MDGA2: variants seen among roughly 807,000 people sequenced by gnomAD.
MDGA2 encodes MAM domain containing glycosylphosphatidylinositol anchor 2, also known as MAM domain-containing glycosylphosphatidylinositol anchor protein 2.
In MDGA2, 40 loss-of-function variants were observed where a neutral mutation model predicts 117.8. The ratio of observed to expected loss-of-function variants is 0.34; its 90% CI spans 0.26 to 0.44. The LOEUF (loss-of-function observed/expected upper bound fraction) is 0.44. MDGA2 is among the 20% of genes least tolerant of loss of function. MDGA2 has a pLI of 1.00. For synonymous variants in MDGA2, 452 were observed against 439.0 expected (o/e 1.03, Z -0.37); for missense variants, 1,123 against 1,250.6 (o/e 0.90, Z 1.54).
chr14:47,615,675 T>G (rs1340553966), intron 1 of MDGA2, among the ~76,000 whole-genome samples: 1 of 152,218 alleles, frequency 6.6e-6, no homozygotes, highest in Admixed American at 6.5e-5. Context: ...GATATTCTAA[T>G]AGGCAATCCT....
intron 10 of MDGA2, among the ~76,000 whole-genome samples, chr14:46,891,493 G>A (rs1882882637): frequency 6.6e-6 from 1 of 151,026 alleles, no homozygotes; most frequent in Non-Finnish European, 1.5e-5. Flanking sequence ...AACTTTCAGA[G>A]CACATTTATC....
intron 2 of MDGA2, among the ~76,000 whole-genome samples, chr14:47,286,871 G>T (rs1444110582): frequency 7.3e-6 from 1 of 136,654 alleles, no homozygotes. Context: ...GATAGAAAAT[G>T]AGAATGCAAC....
At chr14:47,632,681 CCTT>C (rs981910679) in intron 1 of MDGA2, among the ~76,000 whole-genome samples, 6 of 152,102 alleles carry the variant, frequency 3.9e-5, no homozygotes, top group Admixed American at 3.3e-4. Context: ...TAAATAATGA[CCTT>C]CTTAATTTTC....
intron 1 of MDGA2, among the ~76,000 whole-genome samples, chr14:47,544,632 G>C (rs1895422557): frequency 6.6e-6 from 1 of 152,196 alleles, no homozygotes; most frequent in Non-Finnish European, 1.5e-5. Flanking sequence ...GATGGGTCCA[G>C]AGGAGTACAC....
intron 7 of MDGA2, among the ~76,000 whole-genome samples, chr14:47,056,677 C>T (rs909961982): frequency 6.6e-6 from 1 of 152,086 alleles, no homozygotes; most frequent in Non-Finnish European, 1.5e-5. Context: ...GAAATAAGTG[C>T]AAGCTAATGA....
intron 1 of MDGA2, among the ~76,000 whole-genome samples, chr14:47,614,095 C>CTTTTTTTTTTTTTT (rs768294746): frequency 3.9e-5 from 4 of 101,704 alleles, no homozygotes; most frequent in Non-Finnish European, 6.0e-5. Flanking sequence ...TTTCTTTTTT[C>CTTTTTTTTTTTTTT]TTTTTTTTTT....
At chr14:47,144,833 A>G (rs1162913695) in intron 3 of MDGA2, among the ~76,000 whole-genome samples, 1 of 71,866 alleles carries the variant, frequency 1.4e-5, no homozygotes, top group East Asian at 5.0e-4. Flanking sequence ...TTTTTTTTGT[A>G]CAGACAGGGA....
At chr14:47,471,840 G>T (rs1425986539) in intron 1 of MDGA2, among the ~76,000 whole-genome samples, 1 of 151,994 alleles carries the variant, frequency 6.6e-6, no homozygotes, top group Non-Finnish European at 1.5e-5. Flanking sequence ...TAACTAAATT[G>T]GAAGTTAATA....
intron 7 of MDGA2, among the ~76,000 whole-genome samples, chr14:47,049,651 G>A (rs572213735): frequency 6.6e-6 from 1 of 152,052 alleles, no homozygotes; most frequent in Non-Finnish European, 1.5e-5. Context: ...GTCACACAGT[G>A]AGCACAGTTC....
intron 1 of MDGA2, among the ~76,000 whole-genome samples, chr14:47,653,251 T>A (rs1033050725): frequency 6.6e-6 from 1 of 152,116 alleles, no homozygotes; most frequent in Non-Finnish European, 1.5e-5. Context: ...TCCAGGAGAA[T>A]AGATTTCATT....
chr14:47,639,316 TACC>T, intron 1 of MDGA2, among the ~76,000 whole-genome samples: 1 of 152,300 alleles, frequency 6.6e-6, no homozygotes, highest in Non-Finnish European at 1.5e-5. Context: ...ACATATTCAC[TACC>T]GCCTTACCAT....
At chr14:46,907,793 T>C (rs1883554110) in intron 10 of MDGA2, among the ~76,000 whole-genome samples, 1 of 152,164 alleles carries the variant, frequency 6.6e-6, no homozygotes, top group African/African-American at 2.4e-5. Context: ...AAAATATTAC[T>C]AGTACCTGAT....
At chr14:47,380,595 C>A (rs1035111807) in intron 1 of MDGA2, among the ~76,000 whole-genome samples, 4 of 150,178 alleles carry the variant, frequency 2.7e-5, no homozygotes, top group African/African-American at 7.3e-5. Flanking sequence ...CACCTCTACG[C>A]AACTAGAAAA....
chr14:47,320,756 G>A (rs909719710), intron 1 of MDGA2, among the ~76,000 whole-genome samples: 6 of 152,124 alleles, frequency 3.9e-5, no homozygotes, highest in African/African-American at 1.4e-4. Context: ...CTTAAGTGAA[G>A]GATGGTTATA....
chr14:47,484,208 G>T (rs1894011161), intron 1 of MDGA2, among the ~76,000 whole-genome samples: 1 of 151,676 alleles, frequency 6.6e-6, no homozygotes, highest in African/African-American at 2.4e-5. Flanking sequence ...AGCCATATCA[G>T]AATTATGATA....
chr14:47,327,962 T>C (rs1890190104), intron 1 of MDGA2, among the ~76,000 whole-genome samples: 1 of 152,092 alleles, frequency 6.6e-6, no homozygotes, highest in South Asian at 2.1e-4. Flanking sequence ...AAAGTTTTCC[T>C]GCCTACAATT....
intron 1 of MDGA2, among the ~76,000 whole-genome samples, chr14:47,609,008 A>G (rs1461255018): frequency 2.6e-5 from 4 of 152,036 alleles, no homozygotes; most frequent in Non-Finnish European, 5.9e-5. Context: ...AAAAGTCTAG[A>G]AGAGCAGGTC....
intron 1 of MDGA2, among the ~76,000 whole-genome samples, chr14:47,507,776 T>C (rs1894546418): frequency 6.6e-6 from 1 of 152,220 alleles, no homozygotes; most frequent in Admixed American, 6.5e-5. Flanking sequence ...ATACAAAATT[T>C]TGTTTCTGCT....
At chr14:47,454,630 T>G (rs1893309990) in intron 1 of MDGA2, among the ~76,000 whole-genome samples, 1 of 152,204 alleles carries the variant, frequency 6.6e-6, no homozygotes, top group Non-Finnish European at 1.5e-5. Context: ...TTCTCTGAGC[T>G]TATAATAATT....
Sources: gnomAD v4.1 joint callset for allele counts (sites outside exome capture counted in the v4.1 genomes callset) on GRCh38, gnomAD v4.1.1 for gene constraint, MANE v1.5 for transcripts, NCBI Gene and HGNC (gene_info 2026-07-23, HGNC 2026-07-21) for gene names.